The following UGGT2 variants were observed in gnomAD, a reference collection of about 807,000 sequenced individuals.
The protein encoded by UGGT2 is UDP-glucose:glycoprotein glucosyltransferase 2.
UGGT2 carries 180 observed loss-of-function variants against 192.1 expected under a neutral mutation model. The observed-to-expected ratio is 0.94, with a 90% CI of 0.83 to 1.06. The LOEUF (loss-of-function observed/expected upper bound fraction) is 1.06, where lower values mean the gene tolerates loss of function less well. Among genes scored for constraint, UGGT2 ranks in the 50% least tolerant of loss-of-function variants. The pLI is 0.00. For synonymous variants in UGGT2, 580 were observed against 591.0 expected (o/e 0.98, Z 0.27); for missense variants, 1,849 against 1,795.7 (o/e 1.03, Z -0.54).
chr13:95,925,987 C>G (rs568883190), intron 19 of UGGT2, among the ~76,000 whole-genome samples: 1 of 151,804 alleles, frequency 6.6e-6, no homozygotes, highest in Admixed American at 6.6e-5. Flanking sequence ...AAAAATGCTA[C>G]AAGGGTAATT....
intron 10 of UGGT2, among the ~76,000 whole-genome samples, chr13:95,973,451 C>A (rs2050840743): frequency 5.3e-5 from 8 of 152,140 alleles, no homozygotes; most frequent in Admixed American, 5.2e-4. Context: ...TTGGCACATT[C>A]CTATTTCTTG....
chr13:95,850,013 C>T (rs578108551), intron 36 of UGGT2, among the ~76,000 whole-genome samples: 1 of 150,638 alleles, frequency 6.6e-6, no homozygotes, highest in Non-Finnish European at 1.5e-5. Context: ...AATTTGTATA[C>T]CTTTTATTTC....
rs773420029 is a variant in UGGT2 at position 96,053,234 on chromosome 13, C to G, written c.79G>C (p.Gly27Arg). 6 of 1,547,740 alleles carry G rather than the reference C, an allele frequency of 3.9e-6. No individual in the cohort carries two copies. Among genetic ancestry groups the G allele is most frequent in the Non-Finnish European group, 5.2e-6 (6 of 1,154,202 alleles). ...TALWLSQLGSGTVAASKSVTA... is the reference protein window; with the variant it reads ...TALWLSQLGSRTVAASKSVTA... ...ACCGACTTGGACGCGGCGACCGTCC[C>G]GGAGCCGAGCTGCGAAAGCCACAGC... Residue 27 changes from glycine to arginine, a missense_variant, in exon 1 of 39, where the codon GGG (glycine) becomes CGG (arginine). Transcript: ENST00000376747.
At chr13:95,999,165 GC>G in intron 6 of UGGT2, 45 bp downstream of exon 6, 1 of 1,519,080 alleles carries the variant, frequency 6.6e-7, no homozygotes, top group Non-Finnish European at 9.1e-7. Flanking sequence ...GTATGTAAAA[GC>G]CTCCAACTTT....
At chr13:95,813,299 A>C (rs1884665482) in intron 38 of UGGT2, among the ~76,000 whole-genome samples, 2 of 152,194 alleles carry the variant, frequency 1.3e-5, no homozygotes, top group Non-Finnish European at 2.9e-5. Flanking sequence ...TGGACAGTGA[A>C]GTGAGCTCTC....
At chr13:95,887,717 A>C (rs1374071611) in intron 26 of UGGT2, among the ~76,000 whole-genome samples, 175 bp downstream of exon 26, 2 of 152,142 alleles carry the variant, frequency 1.3e-5, no homozygotes, top group Non-Finnish European at 2.9e-5. Context: ...AGGTTATTTT[A>C]ATTTTTATAT....
chr13:95,804,045 A>G (rs185009692), intron 38 of UGGT2, among the ~76,000 whole-genome samples: 2 of 152,294 alleles, frequency 1.3e-5, no homozygotes, highest in Non-Finnish European at 2.9e-5. Flanking sequence ...GAAAAGAAAG[A>G]TCTGTTAGAA....
At chr13:96,045,241 A>T (rs1378755483) in intron 1 of UGGT2, among the ~76,000 whole-genome samples, 4 of 152,194 alleles carry the variant, frequency 2.6e-5, no homozygotes, top group African/African-American at 9.6e-5. Flanking sequence ...ATATTACATG[A>T]TCATCTCAAT....
intron 2 of UGGT2, among the ~76,000 whole-genome samples, chr13:96,030,933 G>A (rs2139154806): frequency 6.6e-6 from 1 of 152,238 alleles, no homozygotes; most frequent in Non-Finnish European, 1.5e-5. Flanking sequence ...TTCTTTAATG[G>A]TTTAAGAGTC....
At chr13:95,839,908 G>C (rs773881132) in intron 36 of UGGT2, among the ~76,000 whole-genome samples, 1 of 151,922 alleles carries the variant, frequency 6.6e-6, no homozygotes, top group South Asian at 2.1e-4. Flanking sequence ...CTTTTCATGT[G>C]TTTATTGGAC....
intron 16 of UGGT2, among the ~76,000 whole-genome samples, chr13:95,938,850 TC>T (rs1292873243): frequency 6.6e-6 from 1 of 152,108 alleles, no homozygotes; most frequent in African/African-American, 2.4e-5. Context: ...TTTCTCTGCC[TC>T]CACTTCTTCC....
At chr13:96,050,648 G>A (rs1156807013) in intron 1 of UGGT2, among the ~76,000 whole-genome samples, 8 of 151,894 alleles carry the variant, frequency 5.3e-5, no homozygotes, top group African/African-American at 1.9e-4. Flanking sequence ...AAAATTAAAC[G>A]ACCCCATCAA....
intron 12 of UGGT2, among the ~76,000 whole-genome samples, chr13:95,967,764 G>A (rs974377728): frequency 1.3e-5 from 2 of 152,098 alleles, no homozygotes; most frequent in African/African-American, 4.8e-5. Flanking sequence ...GAGACACTGT[G>A]CCTGGCCAGG....
intron 20 of UGGT2, among the ~76,000 whole-genome samples, chr13:95,923,165 C>T (rs2048902053): frequency 6.6e-6 from 1 of 152,068 alleles, no homozygotes; most frequent in Non-Finnish European, 1.5e-5. Context: ...GATCCTCCCA[C>T]CTCAGCCTCT....
In UGGT2 at chr13:95,853,603, C is replaced by A. The variant is rs765754637; in HGVS notation, c.4224G>T (p.Arg1408Ser). ...TGAGAGCTTGATACTGGCTCCTGAGCCTGTCACCTGCTCCAATTCTCCTGA... is the reference window on the plus strand; with the variant it reads ...TGAGAGCTTGATACTGGCTCCTGAGACTGTCACCTGCTCCAATTCTCCTGA... ...KKFRRIGAGDRLRSQYQALSQ... is the reference protein window; with the variant it reads ...KKFRRIGAGDSLRSQYQALSQ... The change falls in exon 36 of 39, where the codon AGG becomes AGT. Residue 1408 changes from arginine to serine, a missense_variant. By Grantham distance (110) the Arg-to-Ser change is moderately radical (BLOSUM62 -1). Transcript: ENST00000376747. 2 of 1,601,378 alleles carry A rather than the reference C, an allele frequency of 1.2e-6. No individual in the cohort carries two copies. Among genetic ancestry groups the A allele is most frequent in the Non-Finnish European group, 1.7e-6 (2 of 1,176,402 alleles).
chr13:95,853,767 T>G (rs1889294722), intron 35 of UGGT2, 110 bp from the exon 36 acceptor site: 1 of 627,490 alleles, frequency 1.6e-6, no homozygotes, highest in Non-Finnish European at 2.6e-6. Context: ...TATCCTAGGA[T>G]CTAATAACAA....
At chr13:95,802,896 T>C (rs1884129474) in intron 38 of UGGT2, among the ~76,000 whole-genome samples, 1 of 152,200 alleles carries the variant, frequency 6.6e-6, no homozygotes, top group Admixed American at 6.5e-5. Flanking sequence ...TGCAGTGGTG[T>C]GATCTCAGCT....
At chr13:95,812,799 G>A (rs1266307992) in intron 38 of UGGT2, among the ~76,000 whole-genome samples, 1 of 152,054 alleles carries the variant, frequency 6.6e-6, no homozygotes, top group East Asian at 1.9e-4. Flanking sequence ...CATGTGATAT[G>A]CCTGCTCCCA....
intron 10 of UGGT2, among the ~76,000 whole-genome samples, chr13:95,980,988 A>ACTCCAT (rs2051105348): frequency 6.6e-6 from 1 of 151,914 alleles, no homozygotes; most frequent in Admixed American, 6.6e-5. Context: ...ACAGAGCAAG[A>ACTCCAT]CTCCATCTCA....
Sources: gnomAD v4.1 joint callset for allele counts (sites outside exome capture counted in the v4.1 genomes callset) on GRCh38, gnomAD v4.1.1 for gene constraint, MANE v1.5 for transcripts, NCBI Gene and HGNC (gene_info 2026-07-23, HGNC 2026-07-21) for gene names.